Variants in GRM8 observed in about 807,000 individuals in gnomAD.
GRM8 encodes glutamate metabotropic receptor 8.
A neutral mutation model predicts 87.2 loss-of-function variants in GRM8; 47 were observed. The ratio of observed to expected loss-of-function variants is 0.54; its 90% CI spans 0.43 to 0.69. The LOEUF (loss-of-function observed/expected upper bound fraction) is 0.69, where lower values mean the gene tolerates loss of function less well. Ranked by LOEUF, GRM8 falls within the 30% of genes least tolerant of loss-of-function variation. GRM8 has a pLI of 0.00. For missense variants in GRM8, 1,019 were observed against 1,139.2 expected, an observed-to-expected ratio of 0.89 and a Z score of 1.52; for synonymous variants, 396 against 404.5, an observed-to-expected ratio of 0.98 and a Z score of 0.25.
intron 7 of GRM8, among the ~76,000 whole-genome samples, chr7:126,615,869 A>G (rs1048443179): frequency 6.6e-6 from 1 of 152,246 alleles, no homozygotes; most frequent in Non-Finnish European, 1.5e-5. Context: ...ACCCAGATTC[A>G]TAAAGCAAGT....
intron 8 of GRM8, among the ~76,000 whole-genome samples, chr7:126,559,625 A>T (rs556664527): frequency 6.6e-6 from 1 of 152,336 alleles, no homozygotes; most frequent in African/African-American, 2.4e-5. Context: ...AACACCTTTG[A>T]GATGGCTTAA....
intron 3 of GRM8, among the ~76,000 whole-genome samples, chr7:127,034,382 A>G (rs1235408716): frequency 6.6e-6 from 1 of 152,178 alleles, no homozygotes; most frequent in African/African-American, 2.4e-5. Flanking sequence ...TCAAATGACT[A>G]CAGACAGTAA....
At chr7:127,209,476 T>G (rs1334915074) in intron 2 of GRM8, among the ~76,000 whole-genome samples, 3 of 152,152 alleles carry the variant, frequency 2.0e-5, no homozygotes, top group Non-Finnish European at 4.4e-5. Context: ...TCCAGCTCCA[T>G]GACTTGCCAC....
chr7:127,078,786 C>T (rs139887731), intron 3 of GRM8, among the ~76,000 whole-genome samples: 1 of 152,254 alleles, frequency 6.6e-6, no homozygotes, highest in East Asian at 1.9e-4. Flanking sequence ...CACATAAATG[C>T]CAATTTTTCT....
intron 3 of GRM8, among the ~76,000 whole-genome samples, chr7:126,979,031 T>A (rs1277062009): frequency 6.6e-6 from 1 of 152,244 alleles, no homozygotes; most frequent in Non-Finnish European, 1.5e-5. Context: ...GAGAAATCCT[T>A]ATTCACTTGC....
At chr7:127,177,130 G>A (rs892554987) in intron 2 of GRM8, among the ~76,000 whole-genome samples, 1 of 152,120 alleles carries the variant, frequency 6.6e-6, no homozygotes, top group Non-Finnish European at 1.5e-5. Flanking sequence ...CACACCCTCC[G>A]CCAGGAAACA....
intron 7 of GRM8, among the ~76,000 whole-genome samples, chr7:126,616,948 C>T (rs1226260103): frequency 6.6e-6 from 1 of 152,148 alleles, no homozygotes. Flanking sequence ...ACCAGAGGTA[C>T]AATGAGGAGC....
At chr7:127,233,376 C>T (rs1009449642) in intron 2 of GRM8, among the ~76,000 whole-genome samples, 1 of 151,830 alleles carries the variant, frequency 6.6e-6, no homozygotes, top group African/African-American at 2.4e-5. Flanking sequence ...ATCTATAAGT[C>T]GCAAATATCT....
chr7:126,773,826 TC>T lies in GRM8; in HGVS notation c.1157-3762del, dbSNP rs200391358. ...GCCTGGGCAGCAGAGTGAGACCCTG[TC>T]CCTACCAAAAAATAAAACTAAAAAT... On this transcript the variant is annotated intron_variant, in intron 6 of 10. Transcript: ENST00000339582. Among the ~76,000 whole-genome samples, 11 of 152,140 alleles carry T rather than the reference TC, an allele frequency of 7.2e-5. No individual in the cohort carries two copies. In the East Asian group the frequency reaches 1.9e-3, roughly 27 times the overall value.
At chr7:126,952,619 A>G (rs1808285590) in intron 3 of GRM8, among the ~76,000 whole-genome samples, 1 of 152,052 alleles carries the variant, frequency 6.6e-6, no homozygotes, top group African/African-American at 2.4e-5. Context: ...CCACTAATAA[A>G]AAATATTGGC....
Position 126,904,600 on chromosome 7 carries a change from C to T in GRM8, c.811G>A (p.Glu271Lys). The part of the protein sequence containing the change: ...EFEKIIKRLL[E>K]TPNARAVIMF... ...ATCACTGCTCGAGCATTAGGTGTTT[C>T]TAGCAGGCGTTTGATAATTTTTTCA... Residue 271 changes from glutamate to lysine, a missense_variant, in exon 4 of 11, where the codon GAA becomes AAA. Coordinates refer to ENST00000339582, the MANE Select transcript of GRM8 (RefSeq NM_000845.3). 6.2e-7 allele frequency: 1 copy of T among 1,613,786 alleles called. No individual in the cohort carries two copies. Among genetic ancestry groups the T allele is most frequent in the Non-Finnish European group, 8.5e-7 (1 of 1,179,730 alleles).
At chr7:126,987,500 G>A (rs902300690) in intron 3 of GRM8, among the ~76,000 whole-genome samples, 1 of 151,002 alleles carries the variant, frequency 6.6e-6, no homozygotes, top group African/African-American at 2.4e-5. Flanking sequence ...TCGCTCTCTC[G>A]TCCAGGCTGG....
chr7:126,786,381 G>C (rs1820629657), intron 6 of GRM8, among the ~76,000 whole-genome samples: 1 of 152,086 alleles, frequency 6.6e-6, no homozygotes, highest in Non-Finnish European at 1.5e-5. Flanking sequence ...AGCCTTTAAA[G>C]GTATTCTGTT....
chr7:126,901,718 T>G (rs1802093811), intron 6 of GRM8, among the ~76,000 whole-genome samples: 1 of 152,352 alleles, frequency 6.6e-6, no homozygotes, highest in East Asian at 1.9e-4. Flanking sequence ...AAAACACACA[T>G]TCAAGTTGTG....
intron 3 of GRM8, among the ~76,000 whole-genome samples, chr7:126,990,741 A>G (rs1812580589): frequency 6.6e-6 from 1 of 152,240 alleles, no homozygotes. Context: ...AATTGCTACA[A>G]TAGCATTGTT....
At chr7:127,085,260 C>T (rs1184873448) in intron 3 of GRM8, among the ~76,000 whole-genome samples, 1 of 152,176 alleles carries the variant, frequency 6.6e-6, no homozygotes, top group Non-Finnish European at 1.5e-5. Flanking sequence ...GGGAATAGTG[C>T]CGCAATAAAC....
intron 7 of GRM8, among the ~76,000 whole-genome samples, chr7:126,617,672 AG>A (rs1375579749): frequency 2.6e-5 from 4 of 152,244 alleles, no homozygotes; most frequent in Non-Finnish European, 4.4e-5. Context: ...AAGCAACTTC[AG>A]CAAAGTCTCA....
intron 3 of GRM8, among the ~76,000 whole-genome samples, chr7:126,937,441 A>G (rs1477192042): frequency 1.3e-5 from 2 of 152,208 alleles, no homozygotes; most frequent in Non-Finnish European, 2.9e-5. Flanking sequence ...CTGTTGAATC[A>G]CTAAACCAAA....
chr7:126,897,627 C>T (rs1392469180), intron 6 of GRM8, among the ~76,000 whole-genome samples: 1 of 152,010 alleles, frequency 6.6e-6, no homozygotes, highest in African/African-American at 2.4e-5. Flanking sequence ...TAACACCCAT[C>T]ACCACTGATA....
Sources: gnomAD v4.1 joint callset for allele counts (sites outside exome capture counted in the v4.1 genomes callset) on GRCh38, gnomAD v4.1.1 for gene constraint, MANE v1.5 for transcripts, NCBI Gene and HGNC (gene_info 2026-07-23, HGNC 2026-07-21) for gene names.